NRG3: variants seen among roughly 807,000 people sequenced by gnomAD.
NRG3 encodes the protein pro-neuregulin-3, membrane-bound isoform.
NRG3 carries 31 observed loss-of-function variants against 66.9 expected under a neutral mutation model. The observed-to-expected ratio is 0.46, with a 90% CI of 0.35 to 0.63. The LOEUF (loss-of-function observed/expected upper bound fraction) is 0.63, where lower values mean the gene tolerates loss of function less well. Ranked by LOEUF, NRG3 falls within the 20% of genes least tolerant of loss-of-function variation. NRG3 has a pLI of 0.00. For missense variants in NRG3, 910 were observed against 878.9 expected, an observed-to-expected ratio of 1.04 and a Z score of -0.45; for synonymous variants, 393 against 359.4, an observed-to-expected ratio of 1.09 and a Z score of -1.06.
chr10:82,731,034 G>A (rs2057873064), intron 2 of NRG3, among the ~76,000 whole-genome samples: 1 of 151,964 alleles, frequency 6.6e-6, no homozygotes, highest in Non-Finnish European at 1.5e-5. Flanking sequence ...TTTTGGTTTT[G>A]GTTTTGGCTT....
chr10:82,430,765 G>A (rs1174696361), intron 2 of NRG3, among the ~76,000 whole-genome samples: 2 of 152,096 alleles, frequency 1.3e-5, no homozygotes, highest in African/African-American at 2.4e-5. Context: ...GGATGGTTTG[G>A]TGTCAGCTAA....
chr10:81,958,940 A>G (rs1850096461), intron 1 of NRG3, among the ~76,000 whole-genome samples: 1 of 152,146 alleles, frequency 6.6e-6, no homozygotes, highest in Admixed American at 6.6e-5. Flanking sequence ...TCTATGTGGG[A>G]TATTAAAATT....
intron 3 of NRG3, among the ~76,000 whole-genome samples, chr10:82,771,888 T>C (rs1433578154): frequency 6.6e-6 from 1 of 152,184 alleles, no homozygotes; most frequent in African/African-American, 2.4e-5. Context: ...ATTTTGGATT[T>C]ACCTTTGATT....
At chr10:82,107,560 T>C (rs2067142832) in intron 1 of NRG3, among the ~76,000 whole-genome samples, 1 of 152,176 alleles carries the variant, frequency 6.6e-6, no homozygotes, top group Admixed American at 6.5e-5. Flanking sequence ...ATTTTCCCAA[T>C]ATATAACAAA....
intron 3 of NRG3, among the ~76,000 whole-genome samples, chr10:82,855,640 C>T (rs902539785): frequency 2.6e-5 from 4 of 152,050 alleles, no homozygotes; most frequent in African/African-American, 9.7e-5. Context: ...TCAAGTGATT[C>T]GCCTGCCTCA....
chr10:82,612,378 A>G (rs567854109), intron 2 of NRG3, among the ~76,000 whole-genome samples: 2 of 151,990 alleles, frequency 1.3e-5, no homozygotes, highest in East Asian at 3.9e-4. Flanking sequence ...GCATAGTACT[A>G]TGGTTACAAA....
At chr10:82,066,123 G>A (rs977147348) in intron 1 of NRG3, among the ~76,000 whole-genome samples, 1 of 151,910 alleles carries the variant, frequency 6.6e-6, no homozygotes, top group Non-Finnish European at 1.5e-5. Flanking sequence ...AAGTTAATGA[G>A]GATATTAATT....
intron 2 of NRG3, among the ~76,000 whole-genome samples, chr10:82,399,432 C>G (rs897006643): frequency 6.6e-6 from 1 of 152,174 alleles, no homozygotes; most frequent in African/African-American, 2.4e-5. Context: ...AGGCAAGTGT[C>G]TTAGTTCGAG....
At chr10:82,961,920 A>T (rs970377763) in intron 6 of NRG3, among the ~76,000 whole-genome samples, 1 of 152,202 alleles carries the variant, frequency 6.6e-6, no homozygotes, top group Non-Finnish European at 1.5e-5. Flanking sequence ...TATCAGGCAA[A>T]TCTGTCTTTG....
intron 1 of NRG3, among the ~76,000 whole-genome samples, chr10:82,046,189 C>T (rs1253041934): frequency 6.7e-6 from 1 of 148,650 alleles, no homozygotes; most frequent in Admixed American, 6.8e-5. Context: ...ATTGATTCTT[C>T]TTACCCATGA....
At chr10:82,812,035 T>C (rs1238903502) in intron 3 of NRG3, among the ~76,000 whole-genome samples, 2 of 152,236 alleles carry the variant, frequency 1.3e-5, no homozygotes, top group Non-Finnish European at 2.9e-5. Flanking sequence ...AGTGTTGGTA[T>C]GAAGCCTGAT....
intron 2 of NRG3, among the ~76,000 whole-genome samples, chr10:82,699,283 G>A (rs1448558370): frequency 6.6e-6 from 1 of 151,430 alleles, no homozygotes; most frequent in African/African-American, 2.4e-5. Flanking sequence ...AAGGAAGCAA[G>A]GGAGGCAGGG....
chr10:82,471,031 G>A (rs115189671), intron 2 of NRG3, among the ~76,000 whole-genome samples: 3,301 of 152,184 alleles, frequency 0.022, 118 homozygotes, highest in African/African-American at 0.074. Context: ...AGAGACTCCA[G>A]GCTCCTCTGT....
At chr10:82,129,005 C>T (rs1035922612) in intron 1 of NRG3, among the ~76,000 whole-genome samples, 2 of 151,866 alleles carry the variant, frequency 1.3e-5, no homozygotes, top group South Asian at 2.1e-4. Flanking sequence ...CCTCGCCTCT[C>T]GGGTTCAAGC....
intron 2 of NRG3, among the ~76,000 whole-genome samples, chr10:82,471,715 A>G (rs1197806197): frequency 6.6e-6 from 1 of 152,126 alleles, no homozygotes; most frequent in Non-Finnish European, 1.5e-5. Flanking sequence ...TGCCTGGCCA[A>G]CATGGTGAAA....
intron 4 of NRG3, among the ~76,000 whole-genome samples, chr10:82,935,608 C>A (rs771774423): frequency 1.3e-5 from 2 of 151,940 alleles, no homozygotes; most frequent in Admixed American, 6.6e-5. Flanking sequence ...AACAGTAATT[C>A]TATGTTATTA....
intron 2 of NRG3, among the ~76,000 whole-genome samples, chr10:82,448,439 A>G (rs185036404): frequency 6.6e-6 from 1 of 152,246 alleles, no homozygotes; most frequent in Non-Finnish European, 1.5e-5. Context: ...AGTATTTTCT[A>G]TGAACCAGGA....
At position 81,938,067 on chromosome 10, in the gene NRG3, T is replaced by C. The variant is rs1175086627; in HGVS notation, c.823+61904T>C. On this transcript the variant is annotated intron_variant, in intron 1 of 8. Transcript: ENST00000372141. ...TTTGGTCATAAGACCTGAGAGTTTATTTCTGGGCTGTTTCATTCTACTGCT... is the reference window on the plus strand; with the variant it reads ...TTTGGTCATAAGACCTGAGAGTTTACTTCTGGGCTGTTTCATTCTACTGCT... 2.6e-5 allele frequency among the ~76,000 whole-genome samples: 4 copies of C among 152,144 alleles called. No homozygotes were observed. The East Asian group carries it at 7.7e-4, about 29-fold the overall frequency.
At chr10:82,593,993 T>C (rs2086478) in intron 2 of NRG3, among the ~76,000 whole-genome samples, 24,343 of 152,086 alleles carry the variant, frequency 0.16, 2,440 homozygotes, top group East Asian at 0.34. Context: ...AGATGACTTT[T>C]ATTCTAGAAC....
Sources: allele counts gnomAD v4.1 joint callset (sites outside exome capture counted in the v4.1 genomes callset), GRCh38; gene constraint gnomAD v4.1.1; transcripts MANE v1.5; gene names NCBI Gene and HGNC (gene_info 2026-07-23, HGNC 2026-07-21).